The following ANKS1B variants were observed in gnomAD, a reference collection of about 807,000 sequenced individuals.
The protein encoded by ANKS1B is ankyrin repeat and sterile alpha motif domain-containing protein 1B.
A neutral mutation model predicts 148.3 loss-of-function variants in ANKS1B; 36 were observed. That is an observed-to-expected ratio of 0.24 (90% confidence interval 0.19 to 0.32). The LOEUF (loss-of-function observed/expected upper bound fraction) is 0.32, where lower values mean the gene tolerates loss of function less well. Among genes scored for constraint, ANKS1B ranks in the 10% least tolerant of loss-of-function variants. The probability of loss-of-function intolerance (pLI) is 1.00; values close to 1 mark genes in which losing one functional copy is unlikely to be tolerated. For synonymous variants in ANKS1B, 542 were observed against 560.8 expected, an observed-to-expected ratio of 0.97 and a Z score of 0.47; for missense variants, 1,157 against 1,542.6, an observed-to-expected ratio of 0.75 and a Z score of 4.19.
intron 15 of ANKS1B, among the ~76,000 whole-genome samples, chr12:99,121,318 G>GGTGTGT (rs1555269938): frequency 3.8e-5 from 4 of 105,926 alleles, no homozygotes; most frequent in African/African-American, 1.8e-4. Flanking sequence ...TGTGTATGTA[G>GGTGTGT]GTATGTGTGT....
At position 98,858,917 on chromosome 12, in the gene ANKS1B, A is replaced by G. The variant is rs543271205; in HGVS notation, c.2779-26781T>C. Among the ~76,000 whole-genome samples, 6 of 152,356 alleles carry G rather than the reference A, an allele frequency of 3.9e-5. No individual in the cohort carries two copies. The South Asian group carries it at 1.2e-3, about 32-fold the overall frequency. On this transcript the variant is annotated intron_variant, in intron 17 of 26. Transcript: ENST00000683438. ...GTTCTCTGTAAAATGAGAGAGGAAC[A>G]TACATTATCACCTTATATTATCGAT...
intron 9 of ANKS1B, among the ~76,000 whole-genome samples, chr12:98,737,098 G>C (rs751887194): frequency 6.6e-6 from 1 of 152,202 alleles, no homozygotes; most frequent in South Asian, 2.1e-4. Context: ...CTAAGAGACC[G>C]CTCAGGGGAC....
At chr12:99,810,428 T>C (rs1016234597) in intron 3 of ANKS1B, among the ~76,000 whole-genome samples, 6 of 151,936 alleles carry the variant, frequency 3.9e-5, no homozygotes, top group South Asian at 2.1e-4. Flanking sequence ...TTAAAAGTTA[T>C]CTATAAAAAT....
intron 1 of ANKS1B, among the ~76,000 whole-genome samples, chr12:99,884,542 T>A (rs2092719175): frequency 6.6e-6 from 1 of 152,328 alleles, no homozygotes; most frequent in African/African-American, 2.4e-5. Context: ...GGCACATTCA[T>A]ACAACAGAAT....
At chr12:99,184,886 G>T (rs901999051) in intron 14 of ANKS1B, among the ~76,000 whole-genome samples, 12 of 152,182 alleles carry the variant, frequency 7.9e-5, no homozygotes, top group African/African-American at 2.9e-4. Context: ...TCACAAGATT[G>T]CTCTGGTTAA....
chr12:99,934,504 T>C (rs140436035), intron 1 of ANKS1B, among the ~76,000 whole-genome samples: 2 of 152,244 alleles, frequency 1.3e-5, no homozygotes, highest in Non-Finnish European at 2.9e-5. Flanking sequence ...TGGTAGGGTA[T>C]GTGATTAGGA....
chr12:98,972,674 G>A (rs1479856350), intron 17 of ANKS1B, among the ~76,000 whole-genome samples: 72 of 152,260 alleles, frequency 4.7e-4, no homozygotes, highest in Non-Finnish European at 5.9e-5. Flanking sequence ...CTGCCAGAAG[G>A]ATATCAAATC....
chr12:99,145,657 A>T (rs2072795125), intron 15 of ANKS1B, among the ~76,000 whole-genome samples: 3 of 152,100 alleles, frequency 2.0e-5, no homozygotes, highest in Non-Finnish European at 4.4e-5. Context: ...AAAGGACCAG[A>T]AGTATGACAA....
chr12:99,434,599 G>A (rs891195008), intron 11 of ANKS1B, among the ~76,000 whole-genome samples: 4 of 151,650 alleles, frequency 2.6e-5, no homozygotes, highest in African/African-American at 4.8e-5. Flanking sequence ...TCTATTCTTA[G>A]CCACTCATGT....
At chr12:99,890,332 G>C (rs1293318509) in intron 1 of ANKS1B, among the ~76,000 whole-genome samples, 2 of 152,080 alleles carry the variant, frequency 1.3e-5, no homozygotes, top group Non-Finnish European at 2.9e-5. Flanking sequence ...AAAATCTTAA[G>C]AGCAAAGGCT....
chr12:98,867,603 G>A lies in ANKS1B; in HGVS notation c.2779-35467C>T, dbSNP rs569661481. ...TTGTCGGGCGCAGTGGCTCACGCCT[G>A]TAGTCCCAGCACTTTGGGAGGCTGA... On this transcript the variant is annotated intron_variant, in intron 17 of 26. Coordinates refer to ENST00000683438, the MANE Select transcript of ANKS1B (RefSeq NM_001352186.2). 1.5e-4 allele frequency among the ~76,000 whole-genome samples: 23 copies of A among 152,308 alleles called. No individual in the cohort carries two copies. The South Asian group carries it at 4.8e-3, about 32-fold the overall frequency.
intron 17 of ANKS1B, among the ~76,000 whole-genome samples, chr12:98,880,610 C>CA (rs1214881045): frequency 1.3e-5 from 2 of 151,734 alleles, no homozygotes; most frequent in South Asian, 2.1e-4. Context: ...ACTAAAAATA[C>CA]AAAAAAAGTT....
chr12:99,965,232 T>C (rs901703647), intron 1 of ANKS1B, among the ~76,000 whole-genome samples: 1 of 151,992 alleles, frequency 6.6e-6, no homozygotes, highest in Non-Finnish European at 1.5e-5. Context: ...CATTTTATGA[T>C]GCCAAAAGCA....
chr12:99,363,211 G>A (rs1409671620), intron 12 of ANKS1B, among the ~76,000 whole-genome samples: 1 of 152,126 alleles, frequency 6.6e-6, no homozygotes, highest in South Asian at 2.1e-4. Context: ...AAAAAGACAA[G>A]TGATAGAATA....
intron 9 of ANKS1B, among the ~76,000 whole-genome samples, chr12:99,544,917 T>C (rs2097159040): frequency 6.6e-6 from 1 of 152,184 alleles, no homozygotes; most frequent in Non-Finnish European, 1.5e-5. Flanking sequence ...ACTCTTCCAC[T>C]GCAAAACACT....
intron 1 of ANKS1B, among the ~76,000 whole-genome samples, chr12:99,869,115 G>C (rs913795768): frequency 6.6e-6 from 1 of 152,052 alleles, no homozygotes; most frequent in South Asian, 2.1e-4. Flanking sequence ...TCATGCTGAT[G>C]AAAGAGAAAA....
chr12:99,218,810 C>T (rs889116950), intron 14 of ANKS1B, among the ~76,000 whole-genome samples: 3 of 152,112 alleles, frequency 2.0e-5, no homozygotes, highest in Non-Finnish European at 4.4e-5. Context: ...AAGTGCCAAC[C>T]TAAAAGTTAA....
chr12:99,928,054 C>G (rs2094516155), intron 1 of ANKS1B, among the ~76,000 whole-genome samples: 2 of 151,962 alleles, frequency 1.3e-5, no homozygotes, highest in African/African-American at 4.8e-5. Context: ...TTATAGAACT[C>G]TTGTTATATA....
intron 1 of ANKS1B, among the ~76,000 whole-genome samples, chr12:99,968,919 T>C (rs1186030883): frequency 2.0e-5 from 3 of 152,194 alleles, no homozygotes; most frequent in African/African-American, 7.2e-5. Flanking sequence ...CTGCCGTGAT[T>C]GGAAGCTTCC....
Sources: gnomAD v4.1 joint callset for allele counts (sites outside exome capture counted in the v4.1 genomes callset) on GRCh38, gnomAD v4.1.1 for gene constraint, MANE v1.5 for transcripts, NCBI Gene and HGNC (gene_info 2026-07-23, HGNC 2026-07-21) for gene names.